Variants in ABCC2 observed in about 807,000 individuals in gnomAD.
ABCC2 encodes the protein ATP-binding cassette sub-family C member 2.
A neutral mutation model predicts 173.4 loss-of-function variants in ABCC2; 157 were observed. The observed-to-expected ratio is 0.91, with a 90% CI of 0.80 to 1.03. The LOEUF is 1.03. ABCC2 is among the 50% of genes least tolerant of loss of function. The pLI, the probability that ABCC2 is intolerant of heterozygous loss-of-function variation, is 0.00. For synonymous variants in ABCC2, 657 were observed against 693.5 expected, an observed-to-expected ratio of 0.95 and a Z score of 0.83; for missense variants, 1,822 against 1,852.3, an observed-to-expected ratio of 0.98 and a Z score of 0.30.
At position 99,836,145 on chromosome 10, in the gene ABCC2, T is replaced by C. The variant is rs1564697605; in HGVS notation, c.3469T>C (p.Ser1157Pro). ...QLRRLDSVTR[S>P]PIYSHFSETV... The stretch of plus-strand genomic sequence containing the variant: ...GAGGCGTCTGGACTCTGTCACCAGG[T>C]CCCCAATCTACTCTCACTTCAGCGA... The change falls in exon 25 of 32, where the codon TCC becomes CCC. Residue 1157 changes from serine (S) to proline (P), a missense_variant. Ser to Pro is a moderately conservative substitution (Grantham distance 74). Coordinates refer to ENST00000647814, the MANE Select transcript of ABCC2 (RefSeq NM_000392.5). The C allele has an allele frequency of 6.2e-7, 1 of 1,614,130 alleles. No homozygotes were observed. The highest frequency in any genetic ancestry group is 8.5e-7 in the Non-Finnish European group (1 of 1,180,030).
chr10:99,811,669 T>C lies in ABCC2; in HGVS notation c.1967+67T>C, dbSNP rs2133044148. On this transcript the variant is annotated intron_variant, in intron 15 of 31. Coordinates refer to ENST00000647814, the MANE Select transcript of ABCC2 (RefSeq NM_000392.5). ...CACTGCCTGGCCTATTCTCAGAAAA[T>C]TCCATGTAATAGAATGCATGGGGAA... 7.1e-6 allele frequency: 11 copies of C among 1,549,734 alleles called. 1 individual carries two copies. In the South Asian group the frequency reaches 1.0e-4, roughly 14 times the overall value.
At chr10:99,814,217 A>G (rs1405465604) in intron 16 of ABCC2, among the ~76,000 whole-genome samples, 4 of 54,110 alleles carry the variant, frequency 7.4e-5, no homozygotes, top group African/African-American at 2.3e-4. Flanking sequence ...ACACATGTGT[A>G]TATATACACA....
intron 19 of ABCC2, among the ~76,000 whole-genome samples, chr10:99,822,975 GTTTT>G (rs1228234867): frequency 6.7e-6 from 1 of 150,160 alleles, no homozygotes; most frequent in Non-Finnish European, 1.5e-5. Flanking sequence ...GACAATAAAT[GTTTT>G]TTTAACATGG....
rs1473452859 is a variant in ABCC2 at position 99,845,769 on chromosome 10, C to T, written c.4133C>T (p.Thr1378Ile). 1 of 1,611,842 alleles carries T rather than the reference C, an allele frequency of 6.2e-7. No homozygotes were observed. The highest frequency in any genetic ancestry group is 8.5e-7 in the Non-Finnish European group (1 of 1,179,366). The change falls in exon 29 of 32, where the codon ACC (threonine) becomes ATC (isoleucine). Residue 1378 changes from threonine (T) to isoleucine (I), a missense_variant. Physicochemically the swap from Thr to Ile is moderately conservative, Grantham distance 89. Coordinates refer to ENST00000647814, the MANE Select transcript of ABCC2 (RefSeq NM_000392.5). ...IGLHDLREKL[T>I]IIPQDPILFS... ...CTCCACGACCTCCGAGAGAAGCTGA[C>T]CATCATCCCCCAGGTGAGCTCTAGA...
chr10:99,826,447 T>C (rs889166144), intron 19 of ABCC2, among the ~76,000 whole-genome samples: 1 of 151,418 alleles, frequency 6.6e-6, no homozygotes, highest in African/African-American at 2.4e-5. Flanking sequence ...TCTTGGAGCC[T>C]TGCCACAAAA....
Position 99,814,314 on chromosome 10 carries a change from T to C in ABCC2, c.2094+1170T>C, listed in dbSNP as rs868627978. ...ACACGTATGTATACACACATGTATA[T>C]ACACACGTATGTATACACACATGTA... is the stretch of plus-strand genomic sequence containing the variant. On this transcript the variant is annotated intron_variant, in intron 16 of 31. Transcript: ENST00000647814. 4.7e-3 allele frequency among the ~76,000 whole-genome samples: 286 copies of C among 60,454 alleles called. 13 individuals carry two copies. Among genetic ancestry groups the C allele is most frequent in the East Asian group, 0.015 (28 of 1,824 alleles). 39.7% of individuals were successfully genotyped at this position (60,454 alleles called of 152,430 possible). A position where few individuals can be genotyped will look rare whatever the true frequency, so the allele number is the denominator to read the frequency against.
At position 99,793,897 on chromosome 10, in the gene ABCC2, CA is replaced by C. The variant is rs769798659; in HGVS notation, c.476del (p.Asn159IlefsTer4). ...CTTTGTTTTTTTCCTCATAGGGTGA[CA>C]ATTCTAATCTAGCCTACTCCTGCCT... Reference protein sequence around the residue: ...TLIRTLLQGDNSNLAYSCLFF... With the variant: ...TLIRTLLQGDXSNLAYSCLFF... On this transcript the variant is annotated frameshift_variant, in exon 5 of 32. Transcript: ENST00000647814. LOFTEE classifies it high-confidence loss of function. 7 of 1,613,126 alleles carry C rather than the reference CA, an allele frequency of 4.3e-6. No individual in the cohort carries two copies. The highest frequency in any genetic ancestry group is 1.3e-5 in the African/African-American group (1 of 74,888).
At chr10:99,833,804 C>T (rs2038776702) in intron 23 of ABCC2, among the ~76,000 whole-genome samples, 1 of 152,150 alleles carries the variant, frequency 6.6e-6, no homozygotes, top group South Asian at 2.1e-4. Context: ...TCAATATAAT[C>T]CCCACAAATT....
Position 99,830,823 on chromosome 10 carries a change from T to C in ABCC2, c.2855T>C (p.Ile952Thr). The C allele has an allele frequency of 6.2e-7, 1 of 1,613,884 alleles. No homozygotes were observed. The highest frequency in any genetic ancestry group is 8.5e-7 in the Non-Finnish European group (1 of 1,179,950). ...GAACTAGTGAAAGGACAAAAACTAA[T>C]TAAGAAGGAATTCATAGAAACTGGA... ...DEELVKGQKL[I>T]KKEFIETGKV... is the part of the protein sequence containing the mutation. Residue 952 changes from isoleucine to threonine, a missense_variant, in exon 21 of 32, where the codon ATT becomes ACT. Ile to Thr is a moderately conservative substitution (Grantham distance 89). Transcript: ENST00000647814.
intron 2 of ABCC2, among the ~76,000 whole-genome samples, chr10:99,791,467 C>T (rs886097518): frequency 1.3e-5 from 2 of 152,162 alleles, no homozygotes; most frequent in African/African-American, 4.8e-5. Flanking sequence ...AAACCTAGTA[C>T]TTTCTGTTGC....
chr10:99,842,947 G>T (rs1564700394), intron 26 of ABCC2, among the ~76,000 whole-genome samples: 1 of 152,092 alleles, frequency 6.6e-6, no homozygotes, highest in African/African-American at 2.4e-5. Context: ...CAGCTACTGG[G>T]GAGGCTGAGG....
At chr10:99,784,482 A>C in intron 1 of ABCC2, 126 bp from the exon 2 acceptor site, 1 of 1,027,370 alleles carries the variant, frequency 9.7e-7, no homozygotes, top group Non-Finnish European at 1.5e-6. Context: ...CGGATAGTTA[A>C]AGGGTAAGGC....
At chr10:99,828,579 T>G (rs549241631) in intron 19 of ABCC2, among the ~76,000 whole-genome samples, 1 of 152,334 alleles carries the variant, frequency 6.6e-6, no homozygotes, top group South Asian at 2.1e-4. Context: ...TGCTGTTTGT[T>G]GTGGTTGTTC....
Position 99,794,444 on chromosome 10 carries a change from G to A in ABCC2, c.608G>A (p.Ser203Asn). The A allele has an allele frequency of 1.9e-6, 3 of 1,613,928 alleles. No individual in the cohort carries two copies. Among genetic ancestry groups the A allele is most frequent in the Non-Finnish European group, 1.7e-6 (2 of 1,179,912 alleles). Residue 203 changes from serine (S) to asparagine (N), a missense_variant, in exon 6 of 32, where the codon AGC becomes AAC. Coordinates refer to ENST00000647814, the MANE Select transcript of ABCC2 (RefSeq NM_000392.5). ...NPSSIASFLS[S>N]ITYSWYDSII... ...TCATCCATAGCTTCATTCCTGAGTA[G>A]CATTACCTACAGCTGGTATGACAGG...
intron 19 of ABCC2, among the ~76,000 whole-genome samples, chr10:99,824,523 C>G (rs1310335457): frequency 6.6e-6 from 1 of 152,026 alleles, no homozygotes; most frequent in Non-Finnish European, 1.5e-5. Flanking sequence ...AAGAGCTCGA[C>G]CTACAAAAGT....
At chr10:99,786,585 G>T (rs2037713760) in intron 2 of ABCC2, among the ~76,000 whole-genome samples, 1 of 152,214 alleles carries the variant, frequency 6.6e-6, no homozygotes, top group South Asian at 2.1e-4. Context: ...ATACAATTCA[G>T]GCCGGATGCT....
rs769152380 is a variant in ABCC2 at position 99,832,129 on chromosome 10, G to A, written c.3256G>A (p.Gly1086Ser). The A allele has an allele frequency of 5.6e-5, 90 of 1,613,990 alleles. 1 individual carries two copies. The highest frequency in any genetic ancestry group is 2.7e-4 in the East Asian group (12 of 44,898). ...AGGCCGGATTGTGAACAGGTTTGCC[G>A]GCGTAAGTATCTCAAGAACTGTCAG... is the stretch of plus-strand genomic sequence containing the variant. ...PTGRIVNRFA[G>S]DISTVDDTLP... is the part of the protein sequence containing the mutation. The change falls in exon 23 of 32, where the codon GGC (glycine) becomes AGC (serine). Residue 1086 changes from glycine to serine, a missense_variant and splice_region_variant. Transcript: ENST00000647814.
At chr10:99,794,591 C>A in intron 6 of ABCC2, 123 bp downstream of exon 6, 1 of 947,766 alleles carries the variant, frequency 1.1e-6, no homozygotes, top group Non-Finnish European at 1.6e-6. Flanking sequence ...GTTGCCCAGG[C>A]TGGAGTGCAA....
At chr10:99,784,572 G>A in intron 1 of ABCC2, 36 bp from the exon 2 acceptor site, 2 of 1,611,352 alleles carry the variant, frequency 1.2e-6, no homozygotes, top group South Asian at 1.1e-5. Context: ...TCTTCACAAT[G>A]CATGTATGCA....
Sources: allele counts gnomAD v4.1 joint callset (sites outside exome capture counted in the v4.1 genomes callset), GRCh38; gene constraint gnomAD v4.1.1; transcripts MANE v1.5; gene names NCBI Gene and HGNC (gene_info 2026-07-23, HGNC 2026-07-21).